SLC4A10: variants seen among roughly 807,000 people sequenced by gnomAD.
SLC4A10 encodes the protein solute carrier family 4 member 10.
A neutral mutation model predicts 137.7 loss-of-function variants in SLC4A10; 42 were observed. The observed-to-expected ratio is 0.30, with a 90% CI of 0.24 to 0.39. The LOEUF is 0.39. SLC4A10 is among the 10% of genes least tolerant of loss of function. The pLI, the probability that SLC4A10 is intolerant of heterozygous loss-of-function variation, is 1.00. For missense variants in SLC4A10, 925 were observed against 1,355.0 expected, an observed-to-expected ratio of 0.68 and a Z score of 4.98; for synonymous variants, 474 against 464.1, an observed-to-expected ratio of 1.02 and a Z score of -0.27.
intron 1 of SLC4A10, among the ~76,000 whole-genome samples, chr2:161,740,573 A>G (rs191376723): frequency 1.8e-4 from 28 of 152,280 alleles, no homozygotes; most frequent in African/African-American, 5.5e-4. Context: ...CTCTAGTCCA[A>G]AATCCCAGGA....
intron 1 of SLC4A10, among the ~76,000 whole-genome samples, chr2:161,702,053 A>G (rs1488580301): frequency 1.3e-5 from 2 of 151,956 alleles, no homozygotes; most frequent in East Asian, 3.9e-4. Context: ...ACTGCTGAGT[A>G]TATACCCAAA....
chr2:161,876,174 G>A (rs1996266), intron 8 of SLC4A10, among the ~76,000 whole-genome samples: 34,358 of 152,024 alleles, frequency 0.23, 4,851 homozygotes, highest in Admixed American at 0.35. Flanking sequence ...TACAGACCCA[G>A]AAGAGTATAG....
At chr2:161,633,923 T>A (rs1374352600) in intron 1 of SLC4A10, among the ~76,000 whole-genome samples, 1 of 151,840 alleles carries the variant, frequency 6.6e-6, no homozygotes, top group Non-Finnish European at 1.5e-5. Context: ...CTATTTTTAC[T>A]CATGGAATAC....
At chr2:161,686,489 C>T (rs1287246202) in intron 1 of SLC4A10, among the ~76,000 whole-genome samples, 4 of 152,158 alleles carry the variant, frequency 2.6e-5, no homozygotes, top group African/African-American at 4.8e-5. Context: ...TCTCATTCTT[C>T]TTCAAGGACA....
At chr2:161,855,259 A>C (rs1575301512) in intron 5 of SLC4A10, 129 bp downstream of exon 5, 14 of 817,160 alleles carry the variant, frequency 1.7e-5, no homozygotes, top group Non-Finnish European at 2.5e-5. Context: ...AAGGTCTTAA[A>C]AGTCATTTTC....
chr2:161,659,605 C>T (rs1465464148), intron 1 of SLC4A10, among the ~76,000 whole-genome samples: 1 of 151,648 alleles, frequency 6.6e-6, no homozygotes, highest in Non-Finnish European at 1.5e-5. Flanking sequence ...GGAACAAAAT[C>T]GCACTTATGC....
chr2:161,673,450 A>G (rs2039952688), intron 1 of SLC4A10, among the ~76,000 whole-genome samples: 1 of 152,142 alleles, frequency 6.6e-6, no homozygotes, highest in Admixed American at 6.6e-5. Flanking sequence ...ATTGGCTGGA[A>G]GTGTGTGAGG....
At chr2:161,898,337 G>A (rs1013725491) in intron 11 of SLC4A10, among the ~76,000 whole-genome samples, 1 of 152,040 alleles carries the variant, frequency 6.6e-6, no homozygotes, top group Non-Finnish European at 1.5e-5. Context: ...TATCATATTA[G>A]ACAGCATAGT....
chr2:161,831,652 A>G (rs1272878664), intron 3 of SLC4A10, among the ~76,000 whole-genome samples: 1 of 152,182 alleles, frequency 6.6e-6, no homozygotes, highest in East Asian at 1.9e-4. Context: ...TAAAAATCAT[A>G]TAATCTGTAC....
At chr2:161,922,013 A>T (rs779219963) in intron 15 of SLC4A10, among the ~76,000 whole-genome samples, 5 of 152,218 alleles carry the variant, frequency 3.3e-5, no homozygotes, top group Non-Finnish European at 7.4e-5. Flanking sequence ...GAATGCATAG[A>T]CAGGATTCCT....
At chr2:161,742,439 CTTTTTT>C (rs35953656) in intron 1 of SLC4A10, among the ~76,000 whole-genome samples, 1 of 82,562 alleles carries the variant, frequency 1.2e-5, no homozygotes, top group Non-Finnish European at 2.1e-5. Flanking sequence ...TTCTTTCTTT[CTTTTTT>C]TTTTTTTTTT....
chr2:161,768,551 C>T (rs908693951), intron 1 of SLC4A10, among the ~76,000 whole-genome samples: 8 of 152,034 alleles, frequency 5.3e-5, no homozygotes, highest in South Asian at 2.1e-4. Context: ...GGCTCAAGTA[C>T]GGACATTTAT....
intron 1 of SLC4A10, among the ~76,000 whole-genome samples, chr2:161,681,508 A>T (rs571520396): frequency 6.6e-6 from 1 of 152,214 alleles, no homozygotes; most frequent in South Asian, 2.1e-4. Context: ...CTAAATTTCT[A>T]TGTTCCAAAA....
At chr2:161,892,660 T>C (rs2063043470) in intron 10 of SLC4A10, among the ~76,000 whole-genome samples, 1 of 152,118 alleles carries the variant, frequency 6.6e-6, no homozygotes, top group African/African-American at 2.4e-5. Flanking sequence ...AGAATTTTCC[T>C]GGCAATTTTG....
chr2:161,944,495 T>C (rs1224381188), intron 16 of SLC4A10, among the ~76,000 whole-genome samples: 2 of 151,856 alleles, frequency 1.3e-5, no homozygotes, highest in African/African-American at 4.8e-5. Flanking sequence ...GTTATCAGGC[T>C]AGCTGTGAGT....
In SLC4A10 at chr2:161,624,760, C is replaced by T. The variant is rs570157570; in HGVS notation, c.48+194C>T. 5.9e-5 allele frequency among the ~76,000 whole-genome samples: 9 copies of T among 152,078 alleles called. No homozygotes were observed. The East Asian group carries it at 1.4e-3, about 23-fold the overall frequency. On this transcript the variant is annotated intron_variant, in intron 1 of 26. Transcript: ENST00000446997. ...AAAGCACACGATTCTCCTCCCCCCC[C>T]CTTCTCAATATGGATGCACTACGGT...
intron 1 of SLC4A10, among the ~76,000 whole-genome samples, chr2:161,692,734 A>G (rs1353805736): frequency 6.6e-6 from 1 of 152,086 alleles, no homozygotes; most frequent in Non-Finnish European, 1.5e-5. Context: ...AAAAACCTCC[A>G]ATGACTTATC....
chr2:161,667,802 C>A (rs1164950273), intron 1 of SLC4A10, among the ~76,000 whole-genome samples: 1 of 151,582 alleles, frequency 6.6e-6, no homozygotes, highest in African/African-American at 2.4e-5. Flanking sequence ...ATTGTGGTAG[C>A]AGATTTTCAT....
chr2:161,920,885 C>G (rs1213438437), intron 15 of SLC4A10, among the ~76,000 whole-genome samples: 1 of 152,172 alleles, frequency 6.6e-6, no homozygotes, highest in African/African-American at 2.4e-5. Context: ...TATGTCAGTG[C>G]TGATGGTATA....
Sources: allele counts gnomAD v4.1 joint callset (sites outside exome capture counted in the v4.1 genomes callset), GRCh38; gene constraint gnomAD v4.1.1; transcripts MANE v1.5; gene names NCBI Gene and HGNC (gene_info 2026-07-23, HGNC 2026-07-21).